The following GASK1B variants were observed in gnomAD, a reference collection of about 807,000 sequenced individuals.
GASK1B encodes the protein Golgi-associated kinase 1B.
In GASK1B, 34 loss-of-function variants were observed where a neutral mutation model predicts 42.8. The observed-to-expected ratio is 0.79, with a 90% CI of 0.60 to 1.06. The LOEUF (loss-of-function observed/expected upper bound fraction) is 1.06, where lower values mean the gene tolerates loss of function less well. GASK1B is among the 50% of genes least tolerant of loss of function. The pLI is 0.00. For missense variants in GASK1B, 686 were observed against 661.0 expected (o/e 1.04, Z -0.42); for synonymous variants, 262 against 259.1 (o/e 1.01, Z -0.11).
intron 3 of GASK1B, among the ~76,000 whole-genome samples, chr4:158,145,686 G>A (rs1218643272): frequency 2.0e-5 from 3 of 152,084 alleles, no homozygotes; most frequent in African/African-American, 4.8e-5. Context: ...ATTCTGCTGT[G>A]ATTATCTGTC....
chr4:158,171,216 G>A lies in GASK1B; in HGVS notation c.160C>T (p.Gln54Ter). The A allele has an allele frequency of 6.2e-7, 1 of 1,614,002 alleles. No homozygotes were observed. The highest frequency in any genetic ancestry group is 8.5e-7 in the Non-Finnish European group (1 of 1,179,970). The change falls in exon 2 of 5, where the codon CAG becomes TAG. Residue 54 changes from glutamine to a stop codon, truncating the protein, a stop_gained. Coordinates refer to ENST00000585682, the MANE Select transcript of GASK1B (RefSeq NM_001128424.2). LOFTEE classifies it high-confidence loss of function. ...TGCTGGAGAGAGGCCCTCCCCACCTGGCTCACCAGGAAGCCCAAGTAGATG... is the reference window on the plus strand; with the variant it reads ...TGCTGGAGAGAGGCCCTCCCCACCTAGCTCACCAGGAAGCCCAAGTAGATG... ...CAIYLGFLVS[Q>*]VGRASLQHGQ...
intron 3 of GASK1B, among the ~76,000 whole-genome samples, chr4:158,149,119 T>C (rs1731443683): frequency 6.6e-6 from 1 of 152,290 alleles, no homozygotes; most frequent in African/African-American, 2.4e-5. Flanking sequence ...CTCTCTATCA[T>C]TGACAGCCTA....
intron 2 of GASK1B, among the ~76,000 whole-genome samples, chr4:158,156,272 A>G (rs966642026): frequency 6.6e-6 from 1 of 152,194 alleles, no homozygotes; most frequent in Non-Finnish European, 1.5e-5. Flanking sequence ...TTATGATGTC[A>G]GGAAGAAAAA....
At chr4:158,155,532 G>A in intron 3 of GASK1B, 79 bp downstream of exon 3, 1 of 1,215,836 alleles carries the variant, frequency 8.2e-7, no homozygotes, top group Admixed American at 2.0e-5. Context: ...AACTCCAGGT[G>A]CTGAACATTC....
intron 3 of GASK1B, among the ~76,000 whole-genome samples, chr4:158,133,606 C>G (rs1022867230): frequency 3.9e-5 from 6 of 152,156 alleles, no homozygotes; most frequent in African/African-American, 1.2e-4. Context: ...TTAAACTACA[C>G]AAAAGCATTA....
At chr4:158,162,196 C>T (rs148441687) in intron 2 of GASK1B, among the ~76,000 whole-genome samples, 1 of 152,296 alleles carries the variant, frequency 6.6e-6, no homozygotes, top group African/African-American at 2.4e-5. Context: ...CCTACATACA[C>T]ATTCTAGGTT....
chr4:158,143,835 AT>A (rs1731227839), intron 3 of GASK1B, among the ~76,000 whole-genome samples: 1 of 152,194 alleles, frequency 6.6e-6, no homozygotes, highest in African/African-American at 2.4e-5. Context: ...CTACACATGC[AT>A]TAAAAAAAAT....
intron 3 of GASK1B, among the ~76,000 whole-genome samples, chr4:158,134,825 T>C (rs1288129079): frequency 1.3e-5 from 2 of 152,112 alleles, no homozygotes; most frequent in Non-Finnish European, 2.9e-5. Context: ...TACACAAGGG[T>C]GCCTCTGCAG....
intron 3 of GASK1B, among the ~76,000 whole-genome samples, chr4:158,147,844 A>G (rs1282073395): frequency 6.6e-6 from 1 of 152,216 alleles, no homozygotes; most frequent in Non-Finnish European, 1.5e-5. Context: ...ATCAATAAGA[A>G]AAAGCTACAG....
intron 3 of GASK1B, among the ~76,000 whole-genome samples, chr4:158,134,671 A>AT (rs764418241): frequency 1.3e-5 from 2 of 152,090 alleles, no homozygotes; most frequent in Non-Finnish European, 2.9e-5. Flanking sequence ...TTCCAGCCAA[A>AT]TTTTTTGGTG....
rs1730501266 is a variant in GASK1B, at chr4:158,127,465, T to C, written c.1502A>G (p.Lys501Arg). The C allele has an allele frequency of 6.2e-7, 1 of 1,613,682 alleles. No homozygotes were observed. Among genetic ancestry groups the C allele is most frequent in the Non-Finnish European group, 8.5e-7 (1 of 1,179,772 alleles). ...KLIDVIEHRAKILITYINAHG... is the reference protein window; with the variant it reads ...KLIDVIEHRARILITYINAHG... ...TGCATTGATATAGGTGATAAGAATT[T>C]TGGCTCTGTGTTCTATTACATCGAT... Residue 501 changes from lysine (K) to arginine (R), a missense_variant, in exon 5 of 5, where the codon AAA (lysine) becomes AGA (arginine). By Grantham distance (26) the Lys-to-Arg change is conservative. Coordinates refer to ENST00000585682, the MANE Select transcript of GASK1B (RefSeq NM_001128424.2).
intron 4 of GASK1B, among the ~76,000 whole-genome samples, 189 bp downstream of exon 4, chr4:158,130,597 C>T (rs930413376): frequency 7.2e-5 from 11 of 152,122 alleles, no homozygotes; most frequent in African/African-American, 1.4e-4. Context: ...TTGATAGAGG[C>T]GCTATGGCTG....
chr4:158,128,118 T>G (rs945242130), intron 4 of GASK1B, among the ~76,000 whole-genome samples: 11 of 152,182 alleles, frequency 7.2e-5, no homozygotes, highest in African/African-American at 2.7e-4. Flanking sequence ...AAAATGTGTG[T>G]ACTAAAATGA....
At position 158,141,597 on chromosome 4, in the gene GASK1B, C is replaced by CATTTTTTTTTTTTTTTTT. The variant is rs1553958620; in HGVS notation, c.1126-10586_1126-10585insAAAAAAAAAAAAAAAAAT. On this transcript the variant is annotated intron_variant, in intron 3 of 4. Transcript: ENST00000585682. ...CATAGGTCAGTGCCTTTGTATTTAC[C>CATTTTTTTTTTTTTTTTT]TTTTTTTTTTTTTTTTTTTTTTTTT... Among the ~76,000 whole-genome samples the CATTTTTTTTTTTTTTTTT allele has an allele frequency of 1.8e-4, 20 of 113,694 alleles. 9 individuals are homozygous for CATTTTTTTTTTTTTTTTT. Among genetic ancestry groups the CATTTTTTTTTTTTTTTTT allele is most frequent in the Non-Finnish European group, 1.9e-4 (11 of 57,142 alleles). The allele number at this position is 113,694 out of a possible 152,430, so 74.6% of individuals were successfully genotyped here. A position where few individuals can be genotyped will look rare whatever the true frequency, so the allele number is the denominator to read the frequency against.
At chr4:158,144,999 C>T (rs150033515) in intron 3 of GASK1B, among the ~76,000 whole-genome samples, 133 of 152,252 alleles carry the variant, frequency 8.7e-4, no homozygotes, top group East Asian at 6.2e-3. Flanking sequence ...TTTCCTCACT[C>T]GCCTCTGAAA....
At chr4:158,140,043 T>C (rs1429669338) in intron 3 of GASK1B, among the ~76,000 whole-genome samples, 2 of 152,248 alleles carry the variant, frequency 1.3e-5, no homozygotes, top group Non-Finnish European at 2.9e-5. Context: ...TTTCTTCCTG[T>C]GACTGCAGTG....
At position 158,171,013 on chromosome 4, in the gene GASK1B, G is replaced by GAT. The variant is rs748401723; in HGVS notation, c.361_362dup (p.Arg122SerfsTer5). 4 of 1,613,958 alleles carry GAT rather than the reference G, an allele frequency of 2.5e-6. No individual in the cohort carries two copies. Among genetic ancestry groups the GAT allele is most frequent in the Non-Finnish European group, 3.4e-6 (4 of 1,179,926 alleles). On this transcript the variant is annotated frameshift_variant, in exon 2 of 5. Coordinates refer to ENST00000585682, the MANE Select transcript of GASK1B (RefSeq NM_001128424.2). LOFTEE classifies it high-confidence loss of function. ...TGCGCTTGGGCTTCACGGTGCCACG[G>GAT]ATATTGGCCGGCTTGCTGCGCTTGG...
intron 2 of GASK1B, among the ~76,000 whole-genome samples, chr4:158,166,896 T>C (rs530631344): frequency 2.0e-5 from 3 of 152,222 alleles, no homozygotes; most frequent in Non-Finnish European, 4.4e-5. Context: ...CGCAGATTTA[T>C]GAAAAGAGAA....
chr4:158,136,243 T>C (rs1029074223), intron 3 of GASK1B, among the ~76,000 whole-genome samples: 5 of 152,042 alleles, frequency 3.3e-5, no homozygotes, highest in African/African-American at 1.2e-4. Flanking sequence ...TATTGTTAGC[T>C]AGGTGCAGTT....
Sources: gnomAD v4.1 joint callset for allele counts (sites outside exome capture counted in the v4.1 genomes callset) on GRCh38, gnomAD v4.1.1 for gene constraint, MANE v1.5 for transcripts, NCBI Gene and HGNC (gene_info 2026-07-23, HGNC 2026-07-21) for gene names.